The following CACNA2D4 variants were observed in gnomAD, a reference collection of about 807,000 sequenced individuals.
CACNA2D4 encodes voltage-dependent calcium channel subunit alpha-2/delta-4.
CACNA2D4 carries 157 observed loss-of-function variants against 163.8 expected under a neutral mutation model. That is an observed-to-expected ratio of 0.96 (90% CI 0.84 to 1.09). The LOEUF is 1.09. Among genes scored for constraint, CACNA2D4 ranks in the 50% least tolerant of loss-of-function variants. The pLI is 0.00. For synonymous variants in CACNA2D4, 598 were observed against 586.9 expected (o/e 1.02, Z -0.27); for missense variants, 1,410 against 1,479.9 (o/e 0.95, Z 0.78).
At chr12:1,847,715 T>A (rs1157278978) in intron 23 of CACNA2D4, among the ~76,000 whole-genome samples, 1 of 152,230 alleles carries the variant, frequency 6.6e-6, no homozygotes, top group Non-Finnish European at 1.5e-5. Flanking sequence ...TGGGTCTCAC[T>A]ACCCATAATT....
chr12:1,794,750 A>G (rs1213999484), intron 37 of CACNA2D4, among the ~76,000 whole-genome samples: 1 of 152,210 alleles, frequency 6.6e-6, no homozygotes, highest in Non-Finnish European at 1.5e-5. Flanking sequence ...CTCCAAACAC[A>G]GTGGCTCGGG....
intron 6 of CACNA2D4, among the ~76,000 whole-genome samples, chr12:1,894,476 G>T (rs983798472): frequency 9.9e-5 from 15 of 152,106 alleles, no homozygotes; most frequent in African/African-American, 3.6e-4. Flanking sequence ...GACCATAGAT[G>T]CAAAAAATCT....
At position 1,883,169 on chromosome 12, in the gene CACNA2D4, C is replaced by T. The variant is rs1707706830; in HGVS notation, c.1352-169G>A. 6.6e-6 allele frequency among the ~76,000 whole-genome samples: 1 copy of T among 152,234 alleles called. No individual in the cohort carries two copies. Among genetic ancestry groups the T allele is most frequent in the South Asian group, 2.1e-4 (1 of 4,832 alleles). The stretch of plus-strand genomic sequence containing the variant: ...CACAGTTGTGTCCTTTACCCAGGGG[C>T]AGCCGCAGGCCAGTGGGAGGCCAAG... On this transcript the variant is annotated intron_variant, in intron 12 of 37. Transcript: ENST00000382722. The surrounding 1 kb of genome is among the most constrained non-coding windows in gnomAD (Gnocchi z 4.5).
At chr12:1,822,098 C>T (rs528488447) in intron 26 of CACNA2D4, 1 of 152,184 alleles carries the variant, frequency 6.6e-6, no homozygotes, top group South Asian at 2.1e-4. Flanking sequence ...AGTCTCAGCA[C>T]TGCCAAAAGA....
At chr12:1,830,667 G>A (rs755707240) in intron 26 of CACNA2D4, among the ~76,000 whole-genome samples, 14 of 152,208 alleles carry the variant, frequency 9.2e-5, no homozygotes, top group Non-Finnish European at 1.6e-4. Flanking sequence ...AGTCTGCAGG[G>A]TCATTCTCCA....
At chr12:1,830,021 G>A (rs1592689394) in intron 26 of CACNA2D4, among the ~76,000 whole-genome samples, 1 of 152,318 alleles carries the variant, frequency 6.6e-6, no homozygotes, top group South Asian at 2.1e-4. Context: ...CCTACAGACA[G>A]GACCCCATGC....
chr12:1,811,638 G>A (rs1056049921), intron 27 of CACNA2D4, 24 bp downstream of exon 27: 18 of 1,555,810 alleles, frequency 1.2e-5, no homozygotes, highest in East Asian at 2.4e-5. Flanking sequence ...CCCCAGCCCC[G>A]ACCTGGCCCG....
chr12:1,830,868 G>T, intron 26 of CACNA2D4: 1 of 1,321,342 alleles, frequency 7.6e-7, no homozygotes, highest in Non-Finnish European at 1.0e-6. Context: ...TAGAAAGGAG[G>T]GAAGAGAAGC....
rs374742324 is a variant in CACNA2D4 at position 1,795,655 on chromosome 12, C to T, written c.3226+13G>A. On this transcript the variant is annotated intron_variant, in intron 36 of 37. Coordinates refer to ENST00000382722, the MANE Select transcript of CACNA2D4 (RefSeq NM_172364.5). The stretch of plus-strand genomic sequence containing the variant: ...CGCCCCCACCGCACACATCCCCGAG[C>T]ATTGCAGGATATATTTGACTTCTGT... 65 of 1,552,364 alleles carry T rather than the reference C, an allele frequency of 4.2e-5. No individual in the cohort carries two copies. The highest frequency in any genetic ancestry group is 5.5e-5 in the Non-Finnish European group (62 of 1,124,794).
At chr12:1,849,808 T>C (rs1323458558) in intron 23 of CACNA2D4, among the ~76,000 whole-genome samples, 2 of 152,172 alleles carry the variant, frequency 1.3e-5, no homozygotes, top group Non-Finnish European at 2.9e-5. Flanking sequence ...TATGAAAATA[T>C]ATTTGTATTT....
rs775640626 is a variant in CACNA2D4, at chr12:1,878,951, C to T, written c.1644+5G>A. On this transcript the variant is annotated splice_donor_5th_base_variant and intron_variant, in intron 15 of 37. Coordinates refer to ENST00000382722, the MANE Select transcript of CACNA2D4 (RefSeq NM_172364.5). This position sits in a 1 kb window ranked among gnomAD's most constrained non-coding sequence, Gnocchi z 4.6. The stretch of plus-strand genomic sequence containing the variant: ...GATCCCCACAGGGAACAGACCCAGG[C>T]TCACCTTGTACCGGGGCGCCAGCTT... The T allele has an allele frequency of 1.2e-5, 19 of 1,613,118 alleles. No homozygotes were observed. Among genetic ancestry groups the T allele is most frequent in the Admixed American group, 1.7e-5 (1 of 59,976 alleles).
intron 2 of CACNA2D4, 79 bp downstream of exon 2, chr12:1,914,775 C>A: frequency 1.1e-6 from 1 of 944,440 alleles, no homozygotes; most frequent in Non-Finnish European, 1.7e-6. Flanking sequence ...CAAGGCCCCT[C>A]ACAGCACCGG....
Position 1,918,505 on chromosome 12 carries a change from G to T in CACNA2D4, c.-32C>A. 6.5e-6 allele frequency: 10 copies of T among 1,527,858 alleles called. No homozygotes were observed. The highest frequency in any genetic ancestry group is 8.9e-6 in the Non-Finnish European group (10 of 1,128,328). 94.6% of individuals were successfully genotyped at this position (1,527,858 alleles called of 1,614,324 possible). A position where few individuals can be genotyped will look rare whatever the true frequency, so the allele number is the denominator to read the frequency against. ...TGTCTGCCTTCCTCCCAGACCCCAG[G>T]ACGCCCCAGGCCTTTGTCTTCCGTG... On this transcript the variant is annotated 5_prime_UTR_variant, in exon 1 of 38. Coordinates refer to ENST00000382722, the MANE Select transcript of CACNA2D4 (RefSeq NM_172364.5).
rs1029508919 is a variant in CACNA2D4 at position 1,833,549 on chromosome 12, G to A, written c.2551+7190C>T. 6.6e-6 allele frequency among the ~76,000 whole-genome samples: 1 copy of A among 152,192 alleles called. No individual in the cohort carries two copies. Among genetic ancestry groups the A allele is most frequent in the African/African-American group, 2.4e-5 (1 of 41,448 alleles). On this transcript the variant is annotated intron_variant, in intron 26 of 37. Transcript: ENST00000382722. This position sits in a 1 kb window ranked among gnomAD's most constrained non-coding sequence, Gnocchi z 4.2. ...ACCAGCCTCCTCTCCTTGGCCTCGT[G>A]TGCCTCCAGGATTCCCCCTCCAGAT...
rs193295028 is a variant in CACNA2D4 at position 1,918,358 on chromosome 12, G to T, written c.116C>A (p.Pro39Gln). ...CACAAAGGCCCAGGCCACGGGCATT[G>T]GCTGGAGGGGAATCCAGCGGCTGCT... ...SSSSRWIPLQ[P>Q]MPVAWAFVQK... The change falls in exon 1 of 38, where the codon CCA becomes CAA. Residue 39 changes from proline to glutamine, a missense_variant. Transcript: ENST00000382722. 6.2e-6 allele frequency: 10 copies of T among 1,607,034 alleles called. No homozygotes were observed. Among genetic ancestry groups the T allele is most frequent in the African/African-American group, 1.3e-5 (1 of 74,834 alleles).
chr12:1,828,238 A>AG lies in CACNA2D4; in HGVS notation c.2551+12500dup, dbSNP rs777610212. Reference sequence around the variant, plus strand: ...CCTGTGAGTACACCCCTGGCCTCGGAGGGGGGTGCGGGTTGGGTGGGGGTG... The same window carrying AG: ...CCTGTGAGTACACCCCTGGCCTCGGAGGGGGGGTGCGGGTTGGGTGGGGGTG... On this transcript the variant is annotated intron_variant, in intron 26 of 37. Transcript: ENST00000382722. The surrounding 1 kb of genome is among the most constrained non-coding windows in gnomAD (Gnocchi z 4.2). 5.6e-5 allele frequency: 75 copies of AG among 1,331,280 alleles called. 1 individual carries two copies. Among genetic ancestry groups the AG allele is most frequent in the Admixed American group, 1.9e-4 (9 of 46,438 alleles). 82.5% of individuals were successfully genotyped at this position (1,331,280 alleles called of 1,614,324 possible).
At position 1,854,035 on chromosome 12, in the gene CACNA2D4, TCCTCGTCA is replaced by T. The variant is rs769439847; in HGVS notation, c.2154_2161del (p.Cys718Ter). ...GTCAAACAGCACCTCCCGGACCAGC[TCCTCGTCA>T]CCTGGGTGCAAAACATCAGGGAACC... On this transcript the variant is annotated stop_gained and frameshift_variant and splice_region_variant, in exon 23 of 38. Transcript: ENST00000382722. LOFTEE classifies it high-confidence loss of function. 9.3e-6 allele frequency: 15 copies of T among 1,609,618 alleles called. No homozygotes were observed. The highest frequency in any genetic ancestry group is 1.2e-5 in the Non-Finnish European group (14 of 1,177,560).
At chr12:1,879,057 G>T (rs376723989) in intron 14 of CACNA2D4, 21 bp from the exon 15 acceptor site, 111 of 1,605,588 alleles carry the variant, frequency 6.9e-5, no homozygotes, top group Non-Finnish European at 9.1e-5. Context: ...AGACACAAGG[G>T]GTGGGGGAGA....
intron 26 of CACNA2D4, among the ~76,000 whole-genome samples, chr12:1,812,015 G>C (rs1863728600): frequency 6.6e-6 from 1 of 152,166 alleles, no homozygotes; most frequent in South Asian, 2.1e-4. Flanking sequence ...ATTCATCCTA[G>C]ATCTCTGGGA....
Sources: gnomAD v4.1 joint callset for allele counts (sites outside exome capture counted in the v4.1 genomes callset) on GRCh38, gnomAD v4.1.1 for gene constraint, Gnocchi (gnomAD v3.1) non-coding constraint, MANE v1.5 for transcripts, NCBI Gene and HGNC (gene_info 2026-07-23, HGNC 2026-07-21) for gene names.